The following ZNF175 variants were observed in gnomAD, a reference collection of about 807,000 sequenced individuals.
ZNF175 encodes zinc finger protein 175.
ZNF175 carries 8 observed loss-of-function variants against 14.0 expected under a neutral mutation model. The observed-to-expected ratio is 0.57, with a 90% CI of 0.34 to 1.03. The LOEUF (loss-of-function observed/expected upper bound fraction) is 1.03. Among genes scored for constraint, ZNF175 ranks in the 50% least tolerant of loss-of-function variants. The pLI, the probability that ZNF175 is intolerant of heterozygous loss-of-function variation, is 0.03. For missense variants in ZNF175, 764 were observed against 849.5 expected (o/e 0.90, Z 1.25); for synonymous variants, 255 against 296.8 (o/e 0.86, Z 1.45).
intron 2 of ZNF175, among the ~76,000 whole-genome samples, chr19:51,577,126 T>C (rs775599220): frequency 1.3e-5 from 2 of 152,170 alleles, no homozygotes; most frequent in Non-Finnish European, 2.9e-5. Flanking sequence ...AAATGAATGA[T>C]ATGAAAATGT....
Position 51,589,365 on chromosome 19 carries a change from A to G in ZNF175, c.*898A>G. On this transcript the variant is annotated 3_prime_UTR_variant, in exon 5 of 5. Transcript: ENST00000262259. The stretch of plus-strand genomic sequence containing the variant: ...GTAAGCAGATGAGTTATTTTTTAAG[A>G]GAATCTAATCTAATTGTTTTTATAA... 1 of 580,998 alleles carries G rather than the reference A, an allele frequency of 1.7e-6. No homozygotes were observed. Among genetic ancestry groups the G allele is most frequent in the East Asian group, 2.8e-5 (1 of 35,598 alleles). 36.0% of individuals were successfully genotyped at this position (580,998 alleles called of 1,614,324 possible). A position where few individuals can be genotyped will look rare whatever the true frequency, so the allele number is the denominator to read the frequency against.
At position 51,586,803 on chromosome 19, in the gene ZNF175, CACAGTGCTTTCTTCA is replaced by C. The variant is rs759992415; in HGVS notation, c.476_490del (p.Ser159_Asn163del). The C allele has an allele frequency of 1.2e-6, 2 of 1,614,186 alleles. No homozygotes were observed. Among genetic ancestry groups the C allele is most frequent in the Admixed American group, 3.3e-5 (2 of 60,028 alleles). ...GCAAAATCAAATTCAACCCATGAGT[CACAGTGCTTTCTTCA>C]ACAAGAAAACATTGAACACAGAAAG... On this transcript the variant is annotated inframe_deletion, in exon 5 of 5. Coordinates refer to ENST00000262259, the MANE Select transcript of ZNF175 (RefSeq NM_007147.4).
rs981009102 is a variant in ZNF175 at position 51,573,322 on chromosome 19, G to A, written c.-8G>A. Reference sequence around the variant, plus strand: ...AAGAGAGACCGAGAGTAGAAGCCCAGAGTGGAGATGCCTGCTGATGTGAAT... The same window carrying A: ...AAGAGAGACCGAGAGTAGAAGCCCAAAGTGGAGATGCCTGCTGATGTGAAT... On this transcript the variant is annotated 5_prime_UTR_variant, in exon 2 of 5. Coordinates refer to ENST00000262259, the MANE Select transcript of ZNF175 (RefSeq NM_007147.4). 3 of 1,613,146 alleles carry A rather than the reference G, an allele frequency of 1.9e-6. No individual in the cohort carries two copies. In the African/African-American group the frequency reaches 4.0e-5, roughly 22 times the overall value.
rs779675914 is a variant in ZNF175 at position 51,587,559 on chromosome 19, C to T, written c.1228C>T (p.Gln410Ter). ...FSQNSTLIIH[Q>*]KIHTGERQYA... ...CCAAAACTCAACCCTCATTATACAT[C>T]AGAAAATTCATACTGGTGAGAGACA... Residue 410 changes from glutamine to a stop codon, truncating the protein, a stop_gained, in exon 5 of 5, where the codon CAG becomes TAG. Transcript: ENST00000262259. LOFTEE classifies it low-confidence loss of function (END_TRUNC). 1 of 1,614,136 alleles carries T rather than the reference C, an allele frequency of 6.2e-7. No individual in the cohort carries two copies. Among genetic ancestry groups the T allele is most frequent in the Admixed American group, 1.7e-5 (1 of 60,020 alleles).
chr19:51,586,977 G>A lies in ZNF175; in HGVS notation c.646G>A (p.Glu216Lys). The A allele has an allele frequency of 6.2e-7, 1 of 1,614,206 alleles. No individual in the cohort carries two copies. The highest frequency in any genetic ancestry group is 1.1e-5 in the South Asian group (1 of 91,082). Residue 216 changes from glutamate (E) to lysine (K), a missense_variant, in exon 5 of 5, where the codon GAA becomes AAA. Transcript: ENST00000262259. Reference protein sequence around the residue: ...KLNLEVNGQNESNDTEQLDDV... With the variant: ...KLNLEVNGQNKSNDTEQLDDV... ...GAACCTAGAAGTGAACGGTCAGAAT[G>A]AAAGCAATGACACAGAACAGCTTGA...
chr19:51,592,495 AT>A lies in ZNF175; in HGVS notation c.*4032del, dbSNP rs1982382953. The A allele has an allele frequency of 3.6e-6, 2 of 558,684 alleles. No individual in the cohort carries two copies. Among genetic ancestry groups the A allele is most frequent in the African/African-American group, 3.8e-5 (2 of 52,874 alleles). The allele number at this position is 558,684 out of a possible 1,614,324, so 34.6% of individuals were successfully genotyped here. ...ATTTCATTAAATCTGAAATAAAGGT[AT>A]TTTGAGAAATTGAATTCCGTTATCA... On this transcript the variant is annotated 3_prime_UTR_variant, in exon 5 of 5. Transcript: ENST00000262259.
At chr19:51,571,872 A>C (rs1377695704) in intron 1 of ZNF175, among the ~76,000 whole-genome samples, 2 of 152,204 alleles carry the variant, frequency 1.3e-5, no homozygotes, top group Non-Finnish European at 2.9e-5. Flanking sequence ...AGTGATGGGC[A>C]ACCTATAGGA....
At position 51,591,837 on chromosome 19, in the gene ZNF175, C is replaced by G. The variant is rs932228859; in HGVS notation, c.*3370C>G. ...GCTCTGGAGTGCAGTGGCACGATCT[C>G]AGCTCACTGCAAGCTCCGCCTCCCG... On this transcript the variant is annotated 3_prime_UTR_variant, in exon 5 of 5. Coordinates refer to ENST00000262259, the MANE Select transcript of ZNF175 (RefSeq NM_007147.4). 4.6e-5 allele frequency: 7 copies of G among 150,736 alleles called. No homozygotes were observed. Among genetic ancestry groups the G allele is most frequent in the Non-Finnish European group, 7.4e-5 (5 of 67,842 alleles). 9.3% of individuals were successfully genotyped at this position (150,736 alleles called of 1,614,324 possible).
Position 51,588,408 on chromosome 19 carries a change from C to A in ZNF175, c.2077C>A (p.His693Asn). Reference protein sequence around the residue: ...RSNFNKHQTTHTRDKSYKCSY... With the variant: ...RSNFNKHQTTNTRDKSYKCSY... ...AAACTTCAATAAACACCAAACAACT[C>A]ATACCAGAGACAAATCTTACAAATG... The change falls in exon 5 of 5, where the codon CAT (histidine) becomes AAT (asparagine). Residue 693 changes from histidine to asparagine, a missense_variant. Transcript: ENST00000262259. 1 of 1,600,854 alleles carries A rather than the reference C, an allele frequency of 6.2e-7. No homozygotes were observed. The highest frequency in any genetic ancestry group is 8.5e-7 in the Non-Finnish European group (1 of 1,175,546).
At position 51,573,303 on chromosome 19, in the gene ZNF175, G is replaced by C. The variant is rs773057524; in HGVS notation, c.-27G>C. Reference sequence around the variant, plus strand: ...GAAAAGTGGAGTTGTCAGCAAGAGAGACCGAGAGTAGAAGCCCAGAGTGGA... The same window carrying C: ...GAAAAGTGGAGTTGTCAGCAAGAGACACCGAGAGTAGAAGCCCAGAGTGGA... On this transcript the variant is annotated 5_prime_UTR_variant, in exon 2 of 5. Transcript: ENST00000262259. 3 of 1,611,844 alleles carry C rather than the reference G, an allele frequency of 1.9e-6. No individual in the cohort carries two copies. The South Asian group carries it at 3.3e-5, about 18-fold the overall frequency.
Position 51,587,378 on chromosome 19 carries a change from A to G in ZNF175, c.1047A>G (p.Glu349=), listed in dbSNP as rs1490146477. Residue 349 remains glutamate (E), a synonymous_variant, in exon 5 of 5, where the codon GAA becomes GAG. Coordinates refer to ENST00000262259, the MANE Select transcript of ZNF175 (RefSeq NM_007147.4). ...ECGKVFIQRS[E]LLTHQKTHTR... is the part of the protein sequence containing the mutation. ...GGAAGGTCTTTATTCAGAGATCAGA[A>G]TTGCTTACGCACCAGAAAACACACA... The G allele has an allele frequency of 1.9e-6, 3 of 1,614,138 alleles. No individual in the cohort carries two copies. The South Asian group carries it at 3.3e-5, about 18-fold the overall frequency.
rs1195899157 is a variant in ZNF175 at position 51,591,791 on chromosome 19, G to C, written c.*3324G>C. 1 of 149,462 alleles carries C rather than the reference G, an allele frequency of 6.7e-6. No homozygotes were observed. The highest frequency in any genetic ancestry group is 1.5e-5 in the Non-Finnish European group (1 of 67,668). 9.3% of individuals were successfully genotyped at this position (149,462 alleles called of 1,614,324 possible). A position where few individuals can be genotyped will look rare whatever the true frequency, so the allele number is the denominator to read the frequency against. On this transcript the variant is annotated 3_prime_UTR_variant, in exon 5 of 5. Coordinates refer to ENST00000262259, the MANE Select transcript of ZNF175 (RefSeq NM_007147.4). ...TTTTTTTTTTTTTTCTTGTGAGATG[G>C]AGTCTCGCTCTGTCGCCCAGGCTCT...
chr19:51,583,852 T>G (rs1964748994), intron 4 of ZNF175, among the ~76,000 whole-genome samples: 1 of 152,252 alleles, frequency 6.6e-6, no homozygotes, highest in African/African-American at 2.4e-5. Flanking sequence ...ATAGAATGAT[T>G]CACTTTGCAT....
intron 2 of ZNF175, among the ~76,000 whole-genome samples, chr19:51,576,141 T>G (rs1480733114): frequency 1.7e-5 from 2 of 119,492 alleles, no homozygotes; most frequent in Non-Finnish European, 3.4e-5. Context: ...TCAGGGACAG[T>G]TTTTTTTTTT....
chr19:51,587,455 T>A lies in ZNF175; in HGVS notation c.1124T>A (p.Met375Lys), dbSNP rs763181420. 1.9e-6 allele frequency: 3 copies of A among 1,614,210 alleles called. No individual in the cohort carries two copies. In the Admixed American group the frequency reaches 5.0e-5, roughly 27 times the overall value. ...CHDCGKAFFQ[M>K]LSLFRHQRTH... Reference sequence around the variant, plus strand: ...GACTGTGGAAAAGCCTTTTTCCAGATGTTATCTCTCTTCAGACATCAGAGA... The same window carrying A: ...GACTGTGGAAAAGCCTTTTTCCAGAAGTTATCTCTCTTCAGACATCAGAGA... The change falls in exon 5 of 5, where the codon ATG becomes AAG. Residue 375 changes from methionine to lysine, a missense_variant. Transcript: ENST00000262259.
rs768489561 is a variant in ZNF175, at chr19:51,586,969, G to T, written c.638G>T (p.Gly213Val). The T allele has an allele frequency of 1.2e-5, 20 of 1,614,046 alleles. No individual in the cohort carries two copies. Among genetic ancestry groups the T allele is most frequent in the Admixed American group, 8.3e-5 (5 of 59,996 alleles). ...ESLKLNLEVN[G>V]QNESNDTEQL... ...TTGAAGCTGAACCTAGAAGTGAACG[G>T]TCAGAATGAAAGCAATGACACAGAA... The change falls in exon 5 of 5, where the codon GGT becomes GTT. Residue 213 changes from glycine to valine, a missense_variant. Physicochemically the swap from Gly to Val is moderately radical, Grantham distance 109. Coordinates refer to ENST00000262259, the MANE Select transcript of ZNF175 (RefSeq NM_007147.4).
At chr19:51,576,949 A>G (rs950283977) in intron 2 of ZNF175, among the ~76,000 whole-genome samples, 8 of 152,172 alleles carry the variant, frequency 5.3e-5, no homozygotes, top group Admixed American at 2.0e-4. Context: ...ACTTAAGAAT[A>G]GGAGAATCAC....
intron 3 of ZNF175, 83 bp downstream of exon 3, chr19:51,581,600 T>A: frequency 6.4e-7 from 1 of 1,550,472 alleles, no homozygotes; most frequent in African/African-American, 1.4e-5. Flanking sequence ...CAGTGGGATA[T>A]CAAAGTATGT....
intron 4 of ZNF175, 99 bp downstream of exon 4, chr19:51,581,981 C>T (rs1021654466): frequency 1.8e-5 from 20 of 1,093,036 alleles, no homozygotes; most frequent in Middle Eastern, 2.0e-4. Context: ...AGTGATGGCC[C>T]GTAGATTGCC....
Sources: gnomAD v4.1 joint callset for allele counts (sites outside exome capture counted in the v4.1 genomes callset) on GRCh38, gnomAD v4.1.1 for gene constraint, MANE v1.5 for transcripts, NCBI Gene and HGNC (gene_info 2026-07-23, HGNC 2026-07-21) for gene names.